Variants in ZBTB20 observed in about 807,000 individuals in gnomAD.
The protein encoded by ZBTB20 is zinc finger and BTB domain-containing protein 20.
A neutral mutation model predicts 56.9 loss-of-function variants in ZBTB20; 9 were observed. That is an observed-to-expected ratio of 0.16 (90% CI 0.10 to 0.28). The LOEUF (loss-of-function observed/expected upper bound fraction) is 0.28, where lower values mean the gene tolerates loss of function less well. Among genes scored for constraint, ZBTB20 ranks in the 10% least tolerant of loss-of-function variants. The pLI is 1.00. For missense variants in ZBTB20, 655 were observed against 1,003.0 expected (o/e 0.65, Z 4.69); for synonymous variants, 417 against 420.7 (o/e 0.99, Z 0.11).
intron 2 of ZBTB20, among the ~76,000 whole-genome samples, chr3:115,013,450 T>C (rs1461550711): frequency 6.6e-6 from 1 of 151,662 alleles, no homozygotes; most frequent in Non-Finnish European, 1.5e-5. Context: ...GATAAATTGC[T>C]AGACACATGC....
rs189048365 is a variant in ZBTB20 at position 114,910,938 on chromosome 3, G to A, written c.-455-10596C>T. 5.9e-5 allele frequency among the ~76,000 whole-genome samples: 9 copies of A among 152,026 alleles called. No homozygotes were observed. The East Asian group carries it at 9.7e-4, about 16-fold the overall frequency. On this transcript the variant is annotated intron_variant, in intron 3 of 11. Coordinates refer to ENST00000675478, the MANE Select transcript of ZBTB20 (RefSeq NM_001348800.3). ...TGTTCCCAAGTGTTGTTTTCTTCAC[G>A]TTTATTGTGTTTAGAGTTCACTAAG...
chr3:114,619,058 T>C (rs1380646739), intron 6 of ZBTB20, among the ~76,000 whole-genome samples: 2 of 152,156 alleles, frequency 1.3e-5, no homozygotes, highest in Non-Finnish European at 2.9e-5. Flanking sequence ...AGGAGGACAT[T>C]GTGTTACAAA....
intron 2 of ZBTB20, among the ~76,000 whole-genome samples, chr3:115,007,735 G>A (rs2079537126): frequency 6.6e-6 from 1 of 151,598 alleles, no homozygotes. Flanking sequence ...CCTGTTTACA[G>A]TCCACTGAAA....
At chr3:115,009,501 T>A (rs2079610277) in intron 2 of ZBTB20, among the ~76,000 whole-genome samples, 2 of 151,944 alleles carry the variant, frequency 1.3e-5, no homozygotes, top group Admixed American at 1.3e-4. Context: ...AGTCCAGAGC[T>A]GGCAAGTAGA....
intron 6 of ZBTB20, among the ~76,000 whole-genome samples, chr3:114,542,046 T>C (rs1028479637): frequency 2.0e-5 from 3 of 152,128 alleles, no homozygotes; most frequent in East Asian, 1.9e-4. Flanking sequence ...TATGAAACAA[T>C]GATAATTTAA....
chr3:114,975,333 T>C (rs1241399738), intron 2 of ZBTB20, among the ~76,000 whole-genome samples: 1 of 152,176 alleles, frequency 6.6e-6, no homozygotes, highest in Non-Finnish European at 1.5e-5. Context: ...CCACAGAGAT[T>C]TAGGCATTCA....
At chr3:114,646,648 A>G (rs1159505125) in intron 6 of ZBTB20, among the ~76,000 whole-genome samples, 1 of 152,216 alleles carries the variant, frequency 6.6e-6, no homozygotes, top group African/African-American at 2.4e-5. Context: ...ATCCTCCTGT[A>G]ATGATGCCAA....
intron 10 of ZBTB20, among the ~76,000 whole-genome samples, chr3:114,358,804 T>C (rs2081509043): frequency 6.6e-6 from 1 of 152,330 alleles, no homozygotes; most frequent in Middle Eastern, 3.4e-3. Flanking sequence ...AGAAGAAATT[T>C]ATCCATAAGG....
intron 3 of ZBTB20, among the ~76,000 whole-genome samples, chr3:114,924,245 T>A (rs867279330): frequency 7.9e-5 from 12 of 152,334 alleles, no homozygotes; most frequent in Admixed American, 2.6e-4. Context: ...TTAAGAGATA[T>A]CTGTACCCTC....
At chr3:114,973,884 A>G (rs1477216263) in intron 3 of ZBTB20, among the ~76,000 whole-genome samples, 1 of 152,132 alleles carries the variant, frequency 6.6e-6, no homozygotes, top group East Asian at 1.9e-4. Flanking sequence ...ACTTCTGACT[A>G]TCAGTAGCCA....
At chr3:114,454,181 A>G (rs1311093241) in intron 7 of ZBTB20, among the ~76,000 whole-genome samples, 1 of 46,222 alleles carries the variant, frequency 2.2e-5, no homozygotes, top group Admixed American at 2.0e-4. Flanking sequence ...GAAGGGAGAG[A>G]GAGAGAGAGA....
chr3:114,342,968 G>A (rs1280177101), intron 11 of ZBTB20, among the ~76,000 whole-genome samples: 1 of 152,126 alleles, frequency 6.6e-6, no homozygotes, highest in Non-Finnish European at 1.5e-5. Flanking sequence ...AGCACTGGAG[G>A]CACAGAAACC....
At chr3:114,697,964 T>C (rs940446806) in intron 5 of ZBTB20, among the ~76,000 whole-genome samples, 2 of 152,132 alleles carry the variant, frequency 1.3e-5, no homozygotes, top group African/African-American at 4.8e-5. Flanking sequence ...TAAGGATTAC[T>C]GGCAGGTGAA....
chr3:115,000,044 T>TA (rs374788531), intron 2 of ZBTB20, among the ~76,000 whole-genome samples: 26 of 149,208 alleles, frequency 1.7e-4, no homozygotes, highest in Admixed American at 4.7e-4. Context: ...GACTTTCATT[T>TA]AAAAAAAAAA....
At chr3:115,032,690 G>C (rs1297293104) in intron 2 of ZBTB20, among the ~76,000 whole-genome samples, 1 of 151,208 alleles carries the variant, frequency 6.6e-6, no homozygotes, top group Non-Finnish European at 1.5e-5. Flanking sequence ...ATCATACAAA[G>C]TATCCTTTCT....
chr3:114,855,362 G>A (rs1466814253), intron 4 of ZBTB20, among the ~76,000 whole-genome samples: 1 of 152,140 alleles, frequency 6.6e-6, no homozygotes, highest in Non-Finnish European at 1.5e-5. Flanking sequence ...ATGTTACCAG[G>A]AAAAACAGGA....
chr3:114,666,775 G>C (rs1298313050), intron 6 of ZBTB20, among the ~76,000 whole-genome samples: 1 of 151,918 alleles, frequency 6.6e-6, no homozygotes, highest in Non-Finnish European at 1.5e-5. Context: ...TTCACTTTCT[G>C]TTTTAAAACT....
chr3:114,410,224 T>A lies in ZBTB20; in HGVS notation c.-254-21119A>T, dbSNP rs552960066. Among the ~76,000 whole-genome samples the A allele has an allele frequency of 3.3e-5, 5 of 152,272 alleles. No homozygotes were observed. In the South Asian group the frequency reaches 1.0e-3, roughly 32 times the overall value. Reference sequence around the variant, plus strand: ...ATGTTTAAAAAGTCAACCCACTTTTTTTTTTTCTGTTTGCTTACTGATTCC... The same window carrying A: ...ATGTTTAAAAAGTCAACCCACTTTTATTTTTTCTGTTTGCTTACTGATTCC... On this transcript the variant is annotated intron_variant, in intron 7 of 11. Coordinates refer to ENST00000675478, the MANE Select transcript of ZBTB20 (RefSeq NM_001348800.3).
intron 1 of ZBTB20, among the ~76,000 whole-genome samples, chr3:115,147,016 G>C (rs1238548021): frequency 6.7e-6 from 1 of 149,046 alleles, no homozygotes; most frequent in Non-Finnish European, 1.5e-5. Context: ...GGCGGGGCGC[G>C]GGGGCGCGCG....
Sources: allele counts gnomAD v4.1 joint callset (sites outside exome capture counted in the v4.1 genomes callset), GRCh38; gene constraint gnomAD v4.1.1; transcripts MANE v1.5; gene names NCBI Gene and HGNC (gene_info 2026-07-23, HGNC 2026-07-21).